THAP6: variants seen among roughly 807,000 people sequenced by gnomAD.
THAP6 encodes the protein THAP domain containing 6.
THAP6 carries 13 observed loss-of-function variants against 20.0 expected under a neutral mutation model. That is an observed-to-expected ratio of 0.65 (90% CI 0.42 to 1.03). The LOEUF is 1.03. Among genes scored for constraint, THAP6 ranks in the 50% least tolerant of loss-of-function variants. The pLI is 0.00. For synonymous variants in THAP6, 93 were observed against 92.2 expected, an observed-to-expected ratio of 1.01 and a Z score of -0.05; for missense variants, 262 against 261.6, an observed-to-expected ratio of 1.00 and a Z score of -0.01.
chr4:75,545,857 A>G (rs1199306260), intron 3 of THAP6, among the ~76,000 whole-genome samples: 1 of 152,178 alleles, frequency 6.6e-6, no homozygotes, highest in Non-Finnish European at 1.5e-5. Flanking sequence ...CAGAACTTGA[A>G]TGATAAAAGA....
At chr4:75,526,551 T>C (rs1299185156) in intron 4 of THAP6, among the ~76,000 whole-genome samples, 1 of 152,176 alleles carries the variant, frequency 6.6e-6, no homozygotes, top group African/African-American at 2.4e-5. Flanking sequence ...TGCAGTACTC[T>C]TTTCCTGTCA....
In THAP6 at chr4:75,527,069, G is replaced by A. The variant is rs1268913945; in HGVS notation, c.524G>A (p.Arg175Gln). The change falls in exon 5 of 5, where the codon CGA (arginine) becomes CAA (glutamine). Residue 175 changes from arginine to glutamine, a missense_variant. Coordinates refer to ENST00000311638, the MANE Select transcript of THAP6 (RefSeq NM_144721.6). ...GAAAGTCTACGGAATGTTTTAGACC[G>A]AGAAAAACGTTTTCAGAAATCATTG... ...TKESLRNVLDREKRFQKSLRK... is the reference protein window; with the variant it reads ...TKESLRNVLDQEKRFQKSLRK... The A allele has an allele frequency of 1.4e-5, 23 of 1,613,932 alleles. No individual in the cohort carries two copies. The highest frequency in any genetic ancestry group is 9.9e-5 in the South Asian group (9 of 91,068).
At chr4:75,521,655 A>C (rs752020444) in intron 3 of THAP6, 81 bp from the exon 4 acceptor site, 1 of 1,375,268 alleles carries the variant, frequency 7.3e-7, no homozygotes, top group Non-Finnish European at 9.8e-7. Context: ...TAACTTCACT[A>C]TACAAAGTTA....
At chr4:75,545,338 A>G (rs1727101605) in intron 3 of THAP6, among the ~76,000 whole-genome samples, 2 of 152,162 alleles carry the variant, frequency 1.3e-5, no homozygotes, top group Non-Finnish European at 2.9e-5. Context: ...TGTTACTGCC[A>G]TTCTGTTGCT....
At chr4:75,520,458 G>T (rs546660392) in intron 3 of THAP6, among the ~76,000 whole-genome samples, 2 of 152,054 alleles carry the variant, frequency 1.3e-5, no homozygotes, top group Non-Finnish European at 2.9e-5. Flanking sequence ...AATTCCTTTG[G>T]TTCCATATCC....
rs762802775 is a variant in THAP6, at chr4:75,515,418, C to A, written c.-20-15C>A. ...TTTCCGGTTACTAACTCTTAACATT[C>A]TAATTTTCTTTCAGTTTTGTTATGA... On this transcript the variant is annotated splice_polypyrimidine_tract_variant and intron_variant, in intron 1 of 4. Coordinates refer to ENST00000311638, the MANE Select transcript of THAP6 (RefSeq NM_144721.6). 4 of 1,604,978 alleles carry A rather than the reference C, an allele frequency of 2.5e-6. No homozygotes were observed. The highest frequency in any genetic ancestry group is 1.7e-6 in the Non-Finnish European group (2 of 1,171,978).
intron 2 of THAP6, among the ~76,000 whole-genome samples, chr4:75,536,718 G>T (rs1316527565): frequency 1.3e-5 from 2 of 152,012 alleles, no homozygotes; most frequent in African/African-American, 4.8e-5. Context: ...ATGTTGCCCA[G>T]GCTGGTCTTG....
rs1726624826 is a variant in THAP6, at chr4:75,529,978, AG to A, written c.*2765del. On this transcript the variant is annotated 3_prime_UTR_variant, in exon 5 of 5. Coordinates refer to ENST00000311638, the MANE Select transcript of THAP6 (RefSeq NM_144721.6). The stretch of plus-strand genomic sequence containing the variant: ...ATTATTACAGAAATAATTGAGAGAG[AG>A]AAAATCTATTATAATTTATTTGAAA... 1 of 877,714 alleles carries A rather than the reference AG, an allele frequency of 1.1e-6. No homozygotes were observed. Among genetic ancestry groups the A allele is most frequent in the South Asian group, 5.2e-5 (1 of 19,236 alleles). The allele number at this position is 877,714 out of a possible 1,614,324, so 54.4% of individuals were successfully genotyped here. A position where few individuals can be genotyped will look rare whatever the true frequency, so the allele number is the denominator to read the frequency against.
chr4:75,535,403 G>GT (rs35496297), intron 2 of THAP6, among the ~76,000 whole-genome samples: 37,337 of 152,136 alleles, frequency 0.25, 4,938 homozygotes, highest in African/African-American at 0.33. Flanking sequence ...GCTGAGGTCT[G>GT]TCTTCAGGAG....
At chr4:75,537,001 T>C (rs935176328) in intron 2 of THAP6, among the ~76,000 whole-genome samples, 1 of 152,078 alleles carries the variant, frequency 6.6e-6, no homozygotes, top group African/African-American at 2.4e-5. Context: ...AAGGGTCAAT[T>C]AAGAGGATAT....
downstream of THAP6, among the ~76,000 whole-genome samples, chr4:75,531,228 G>A (rs998469919): frequency 1.3e-5 from 2 of 152,162 alleles, no homozygotes; most frequent in African/African-American, 4.8e-5. Context: ...TAGGTAAAGG[G>A]GGGCTGTATG....
chr4:75,517,650 T>C (rs1053218508), intron 3 of THAP6: 2 of 152,128 alleles, frequency 1.3e-5, no homozygotes, highest in Non-Finnish European at 2.9e-5. Context: ...CTAACAGGAC[T>C]AAAGTACTTG....
chr4:75,521,029 T>C (rs575336386), intron 3 of THAP6, among the ~76,000 whole-genome samples: 1 of 152,262 alleles, frequency 6.6e-6, no homozygotes, highest in Non-Finnish European at 1.5e-5. Flanking sequence ...ATCATTTAAC[T>C]GCCATCTACA....
intron 2 of THAP6, among the ~76,000 whole-genome samples, chr4:75,535,959 G>C (rs1032112452): frequency 6.6e-6 from 1 of 152,154 alleles, no homozygotes; most frequent in Admixed American, 6.5e-5. Flanking sequence ...ACATCTCTCA[G>C]ATACAGCCCC....
chr4:75,519,157 C>T (rs1725849341), intron 3 of THAP6, among the ~76,000 whole-genome samples: 1 of 152,158 alleles, frequency 6.6e-6, no homozygotes, highest in Non-Finnish European at 1.5e-5. Context: ...AGCTCAACAT[C>T]TTGTATGATT....
intron 3 of THAP6, among the ~76,000 whole-genome samples, chr4:75,543,670 A>G (rs1727063005): frequency 6.6e-6 from 1 of 152,226 alleles, no homozygotes; most frequent in Non-Finnish European, 1.5e-5. Flanking sequence ...TAGAGAAATG[A>G]TGGTTTTCCA....
intron 4 of THAP6, among the ~76,000 whole-genome samples, chr4:75,526,490 T>G (rs1265532084): frequency 6.6e-6 from 1 of 152,186 alleles, no homozygotes; most frequent in East Asian, 1.9e-4. Context: ...TCTTGAAAAT[T>G]CCAAGACCAG....
intron 3 of THAP6, among the ~76,000 whole-genome samples, chr4:75,519,306 T>C (rs1338916041): frequency 6.6e-6 from 1 of 151,568 alleles, no homozygotes; most frequent in Non-Finnish European, 1.5e-5. Flanking sequence ...TGTGCAGCTC[T>C]GAACATTTTG....
rs796391903 is a variant in THAP6, at chr4:75,529,480, A to G, written c.*2266A>G. ...AATATTGGTATCATTAAGGACCCAG[A>G]GCTGCCCATTTTCTCTTTGTTCTAA... On this transcript the variant is annotated 3_prime_UTR_variant, in exon 5 of 5. Transcript: ENST00000311638. The G allele has an allele frequency of 1.0e-6, 1 of 985,446 alleles. No homozygotes were observed. Among genetic ancestry groups the G allele is most frequent in the Non-Finnish European group, 1.2e-6 (1 of 829,942 alleles). The allele number at this position is 985,446 out of a possible 1,614,324, so 61.0% of individuals were successfully genotyped here.
Sources: gnomAD v4.1 joint callset for allele counts (sites outside exome capture counted in the v4.1 genomes callset) on GRCh38, gnomAD v4.1.1 for gene constraint, MANE v1.5 for transcripts, NCBI Gene and HGNC (gene_info 2026-07-23, HGNC 2026-07-21) for gene names.